The following KANSL1L variants were observed in gnomAD, a reference collection of about 807,000 sequenced individuals.
KANSL1L encodes the protein KAT8 regulatory NSL complex subunit 1-like protein.
In KANSL1L, 25 loss-of-function variants were observed where a neutral mutation model predicts 108.6. The observed-to-expected ratio is 0.23, with a 90% CI of 0.17 to 0.32. The LOEUF (loss-of-function observed/expected upper bound fraction) is 0.32. KANSL1L is among the 10% of genes least tolerant of loss of function. KANSL1L has a pLI of 1.00. For missense variants in KANSL1L, 1,137 were observed against 1,125.7 expected, an observed-to-expected ratio of 1.01 and a Z score of -0.14; for synonymous variants, 405 against 395.1, an observed-to-expected ratio of 1.03 and a Z score of -0.30.
intron 2 of KANSL1L, among the ~76,000 whole-genome samples, chr2:210,138,679 T>C (rs1248299467): frequency 6.6e-6 from 1 of 152,250 alleles, no homozygotes; most frequent in Non-Finnish European, 1.5e-5. Flanking sequence ...AATGCTGTCC[T>C]ATATGTACAC....
chr2:210,170,783 C>T (rs1688288788), intron 1 of KANSL1L: 1 of 152,278 alleles, frequency 6.6e-6, no homozygotes, highest in African/African-American at 2.4e-5. Flanking sequence ...GTCCAGGAAA[C>T]CACGTGTTCT....
chr2:210,155,943 T>C (rs1426810927), intron 1 of KANSL1L, among the ~76,000 whole-genome samples: 1 of 152,094 alleles, frequency 6.6e-6, no homozygotes, highest in African/African-American at 2.4e-5. Context: ...AGCTGATTCT[T>C]TACAAAGTCC....
At chr2:210,068,593 G>A (rs2094484304) in intron 6 of KANSL1L, among the ~76,000 whole-genome samples, 1 of 152,142 alleles carries the variant, frequency 6.6e-6, no homozygotes, top group African/African-American at 2.4e-5. Flanking sequence ...ATTTAGGTCT[G>A]ATTTACCTTC....
chr2:210,097,836 C>G (rs969422188), intron 5 of KANSL1L: 2 of 239,802 alleles, frequency 8.3e-6, no homozygotes. Context: ...GTTATCACCA[C>G]TATTCTTTTT....
At chr2:210,029,121 C>CA (rs1559497536) in intron 10 of KANSL1L, 152 bp from the exon 11 acceptor site, 1 of 589,964 alleles carries the variant, frequency 1.7e-6, no homozygotes, top group South Asian at 2.4e-5. Flanking sequence ...TTAAGAAAAC[C>CA]AAAAAATAAA....
intron 2 of KANSL1L, among the ~76,000 whole-genome samples, chr2:210,138,731 C>T (rs2095198795): frequency 6.6e-6 from 1 of 152,120 alleles, no homozygotes; most frequent in East Asian, 1.9e-4. Context: ...TATCCATCAT[C>T]TCATATACTT....
chr2:210,099,015 G>A (rs1226722714), intron 4 of KANSL1L, among the ~76,000 whole-genome samples: 3 of 151,874 alleles, frequency 2.0e-5, no homozygotes, highest in African/African-American at 4.8e-5. Flanking sequence ...TGTAATCCAC[G>A]TTCATCATAG....
chr2:210,148,205 T>C (rs2095278695), intron 2 of KANSL1L, among the ~76,000 whole-genome samples: 1 of 152,202 alleles, frequency 6.6e-6, no homozygotes, highest in Non-Finnish European at 1.5e-5. Flanking sequence ...TTTCCTGGAA[T>C]AAGACAAGCA....
intron 6 of KANSL1L, among the ~76,000 whole-genome samples, chr2:210,053,322 T>A (rs1336859406): frequency 6.6e-6 from 1 of 152,200 alleles, no homozygotes; most frequent in East Asian, 1.9e-4. Context: ...ACAGGCCAGA[T>A]GTGGTGGCTC....
At chr2:210,155,811 A>G (rs1325865232) in intron 1 of KANSL1L, among the ~76,000 whole-genome samples, 1 of 152,210 alleles carries the variant, frequency 6.6e-6, no homozygotes, top group Non-Finnish European at 1.5e-5. Context: ...GATATGCCAA[A>G]ATTTTTGTTT....
chr2:210,104,156 A>C lies in KANSL1L; in HGVS notation c.1376T>G (p.Phe459Cys), dbSNP rs773349828. The C allele has an allele frequency of 1.4e-5, 23 of 1,614,042 alleles. No homozygotes were observed. Among genetic ancestry groups the C allele is most frequent in the Non-Finnish European group, 1.9e-5 (23 of 1,179,938 alleles). ...AGTAGGGCTGCTTGGTGACATTTCA[A>C]AATCTTGTTCCGGTACAGGATCTTG... Reference protein sequence around the residue: ...ECQDPVPEQDFEMSPSSPTLL... With the variant: ...ECQDPVPEQDCEMSPSSPTLL... The change falls in exon 4 of 15, where the codon TTT becomes TGT. Residue 459 changes from phenylalanine (F) to cysteine (C), a missense_variant. Transcript: ENST00000281772.
intron 1 of KANSL1L, among the ~76,000 whole-genome samples, chr2:210,161,313 G>A (rs567612137): frequency 6.6e-6 from 1 of 152,154 alleles, no homozygotes; most frequent in Non-Finnish European, 1.5e-5. Flanking sequence ...AGATAGCAAG[G>A]CAATTAAATG....
chr2:210,033,316 C>G (rs982943714), intron 8 of KANSL1L, among the ~76,000 whole-genome samples: 1 of 152,136 alleles, frequency 6.6e-6, no homozygotes, highest in Non-Finnish European at 1.5e-5. Flanking sequence ...GTAATCTAAA[C>G]GTACTAAAAT....
intron 6 of KANSL1L, among the ~76,000 whole-genome samples, chr2:210,046,800 C>T (rs2094228637): frequency 6.6e-6 from 1 of 152,156 alleles, no homozygotes; most frequent in South Asian, 2.1e-4. Flanking sequence ...TAGCCTAAGC[C>T]ATGGCTCCCT....
chr2:210,097,129 G>A (rs2094744431), intron 5 of KANSL1L: 1 of 363,792 alleles, frequency 2.7e-6, no homozygotes. Context: ...ATTTTTAGTA[G>A]AGACGGGGTT....
In KANSL1L at chr2:210,035,295, C is replaced by T. The variant is rs2094085942; in HGVS notation, c.2030-3749G>A. 2.0e-5 allele frequency: 3 copies of T among 152,134 alleles called. No homozygotes were observed. In the South Asian group the frequency reaches 6.2e-4, roughly 31 times the overall value. The allele number at this position is 152,134 out of a possible 1,614,324, so 9.4% of individuals were successfully genotyped here. A position where few individuals can be genotyped will look rare whatever the true frequency, so the allele number is the denominator to read the frequency against. On this transcript the variant is annotated intron_variant, in intron 8 of 14. Transcript: ENST00000281772. ...TTGTCTGGTATTCCTCATGATTAAA[C>T]TAGTCATCCATTCACTTTTCAACCC...
chr2:210,051,659 A>G (rs1194278272), intron 6 of KANSL1L, among the ~76,000 whole-genome samples: 1 of 152,184 alleles, frequency 6.6e-6, no homozygotes, highest in African/African-American at 2.4e-5. Context: ...ATCTGGAGTC[A>G]TTAATGAGAA....
chr2:210,049,415 C>T (rs930393649), intron 6 of KANSL1L, among the ~76,000 whole-genome samples: 39 of 151,224 alleles, frequency 2.6e-4, no homozygotes, highest in African/African-American at 9.5e-4. Flanking sequence ...TTTGTGGTAC[C>T]TGGAGGTTTT....
intron 2 of KANSL1L, among the ~76,000 whole-genome samples, chr2:210,132,167 C>T (rs2095127293): frequency 6.6e-6 from 1 of 152,086 alleles, no homozygotes; most frequent in African/African-American, 2.4e-5. Context: ...AAATATATGG[C>T]TAACTTGCTC....
Sources: gnomAD v4.1 joint callset for allele counts (sites outside exome capture counted in the v4.1 genomes callset) on GRCh38, gnomAD v4.1.1 for gene constraint, MANE v1.5 for transcripts, NCBI Gene and HGNC (gene_info 2026-07-23, HGNC 2026-07-21) for gene names.